Variants in KEAP1 observed in about 807,000 individuals in gnomAD.
KEAP1 encodes kelch-like ECH-associated protein 1.
KEAP1 carries 26 observed loss-of-function variants against 59.7 expected under a neutral mutation model. That is an observed-to-expected ratio of 0.44 (90% CI 0.32 to 0.60). The LOEUF (loss-of-function observed/expected upper bound fraction) is 0.60. Ranked by LOEUF, KEAP1 falls within the 20% of genes least tolerant of loss-of-function variation. KEAP1 has a pLI of 0.06. For synonymous variants in KEAP1, 350 were observed against 358.3 expected, an observed-to-expected ratio of 0.98 and a Z score of 0.26; for missense variants, 539 against 871.4, an observed-to-expected ratio of 0.62 and a Z score of 4.80.
intron 4 of KEAP1, 52 bp from the exon 5 acceptor site, chr19:10,489,420 C>T (rs2144588251): frequency 6.4e-7 from 1 of 1,560,830 alleles, no homozygotes; most frequent in Non-Finnish European, 8.7e-7. Flanking sequence ...CTTTGGGAAC[C>T]CCAGCCATCA....
At chr19:10,501,480 A>T (rs1915042571) in intron 1 of KEAP1, among the ~76,000 whole-genome samples, 1 of 151,262 alleles carries the variant, frequency 6.6e-6, no homozygotes, top group Non-Finnish European at 1.5e-5. Context: ...ATACAAAAAA[A>T]TTAGCCGGGT....
chr19:10,493,699 C>A lies in KEAP1; in HGVS notation c.640-1437G>T, dbSNP rs1914757584. 2.0e-5 allele frequency among the ~76,000 whole-genome samples: 3 copies of A among 151,294 alleles called. No homozygotes were observed. The South Asian group carries it at 6.3e-4, about 32-fold the overall frequency. ...GCCTCAGCCTCCCGAGTAGCTGGGA[C>A]TACAGGGGCCCACCACCGTGCCTGG... On this transcript the variant is annotated intron_variant, in intron 2 of 5. Coordinates refer to ENST00000171111, the MANE Select transcript of KEAP1 (RefSeq NM_203500.2).
chr19:10,493,059 G>T (rs773551008), intron 2 of KEAP1, among the ~76,000 whole-genome samples: 26 of 151,944 alleles, frequency 1.7e-4, no homozygotes, highest in Non-Finnish European at 2.8e-4. Context: ...GCAGTGGTGT[G>T]ATCTTGCTTC....
intron 2 of KEAP1, among the ~76,000 whole-genome samples, chr19:10,494,934 G>A (rs1357193841): frequency 6.0e-5 from 9 of 150,044 alleles, no homozygotes; most frequent in East Asian, 2.0e-4. Flanking sequence ...GATTACAGGC[G>A]TGAGCCAACG....
chr19:10,488,068 C>T (rs572245362), intron 5 of KEAP1, among the ~76,000 whole-genome samples: 15 of 152,132 alleles, frequency 9.9e-5, no homozygotes, highest in African/African-American at 3.6e-4. Context: ...GTGGAGGTTG[C>T]AGTGAGCCGA....
chr19:10,492,104 C>T lies in KEAP1; in HGVS notation c.798G>A (p.Ala266=), dbSNP rs752940311. 9.3e-6 allele frequency: 15 copies of T among 1,613,906 alleles called. No individual in the cohort carries two copies. The South Asian group carries it at 1.6e-4, about 18-fold the overall frequency. ...AGTGGCAGCGCACGGCCCGCAGCAG[C>T]GCCTGGACGTAGAACCGTCGCTGTT... ...DCEQRRFYVQ[A]LLRAVRCHSL... Residue 266 remains alanine (A), a synonymous_variant, in exon 3 of 6, where the codon GCG becomes GCA. Transcript: ENST00000171111.
In KEAP1 at chr19:10,489,213, G is replaced by C; in HGVS notation, c.1687C>G (p.Gln563Glu). The C allele has an allele frequency of 6.2e-7, 1 of 1,612,122 alleles. No homozygotes were observed. Residue 563 changes from glutamine to glutamate, a missense_variant, in exon 5 of 6, where the codon CAG (glutamine) becomes GAG (glutamate). Transcript: ENST00000171111. ...RRSALGITVHQGRIYVLGGYD... is the reference protein window; with the variant it reads ...RRSALGITVHEGRIYVLGGYD... ...TCACCAAGGACGTAGATTCTCCCCTGGTGGACAGTGATCCCCAGGGCACTT... is the reference window on the plus strand; with the variant it reads ...TCACCAAGGACGTAGATTCTCCCCTCGTGGACAGTGATCCCCAGGGCACTT...
chr19:10,499,354 C>T lies in KEAP1; in HGVS notation c.639+41G>A, dbSNP rs1354290752. On this transcript the variant is annotated intron_variant, in intron 2 of 5. Transcript: ENST00000171111. This position sits in a 1 kb window ranked among gnomAD's most constrained non-coding sequence, Gnocchi z 6.7. ...TGATGAGCACTCGTCCATCCCTGGT[C>T]CTTCTCCTGACACTGCCCCCAGCCC... 4 of 1,505,266 alleles carry T rather than the reference C, an allele frequency of 2.7e-6. No individual in the cohort carries two copies. Among genetic ancestry groups the T allele is most frequent in the Non-Finnish European group, 3.6e-6 (4 of 1,120,280 alleles). 93.2% of individuals were successfully genotyped at this position (1,505,266 alleles called of 1,614,324 possible). A position where few individuals can be genotyped will look rare whatever the true frequency, so the allele number is the denominator to read the frequency against.
chr19:10,498,487 G>T (rs148312606), intron 2 of KEAP1, among the ~76,000 whole-genome samples: 1 of 152,118 alleles, frequency 6.6e-6, no homozygotes, highest in South Asian at 2.1e-4. Flanking sequence ...GATTACAGGC[G>T]TGAGCCACTG....
intron 4 of KEAP1, 81 bp downstream of exon 4, chr19:10,489,563 GGGTC>G: frequency 6.8e-7 from 1 of 1,475,466 alleles, no homozygotes; most frequent in South Asian, 1.2e-5. Context: ...TTGCAACAGG[GGGTC>G]TCTCCCAGGC....
intron 5 of KEAP1, among the ~76,000 whole-genome samples, chr19:10,487,581 G>T (rs751616095): frequency 6.6e-6 from 1 of 151,984 alleles, no homozygotes; most frequent in African/African-American, 2.4e-5. Context: ...GCTTGAACCC[G>T]GGAGGCGGAG....
At position 10,499,086 on chromosome 19, in the gene KEAP1, C is replaced by G. The variant is rs1599490310; in HGVS notation, c.639+309G>C. ...CTTACCTCAGGTGATCCACCTGCCTCGGCCTCCCAAAGTGTTGGGATTACA... is the reference window on the plus strand; with the variant it reads ...CTTACCTCAGGTGATCCACCTGCCTGGGCCTCCCAAAGTGTTGGGATTACA... On this transcript the variant is annotated intron_variant, in intron 2 of 5. Coordinates refer to ENST00000171111, the MANE Select transcript of KEAP1 (RefSeq NM_203500.2). This position sits in a 1 kb window ranked among gnomAD's most constrained non-coding sequence, Gnocchi z 6.7. 6.6e-6 allele frequency among the ~76,000 whole-genome samples: 1 copy of G among 152,164 alleles called. No homozygotes were observed. Among genetic ancestry groups the G allele is most frequent in the African/African-American group, 2.4e-5 (1 of 41,460 alleles).
intron 2 of KEAP1, among the ~76,000 whole-genome samples, chr19:10,496,338 A>C (rs567478169): frequency 6.6e-6 from 1 of 152,026 alleles, no homozygotes; most frequent in Non-Finnish European, 1.5e-5. Flanking sequence ...TCTACAAAAA[A>C]TACAAAAATT....
intron 5 of KEAP1, among the ~76,000 whole-genome samples, chr19:10,488,061 G>A (rs1033986407): frequency 2.0e-5 from 3 of 152,156 alleles, no homozygotes; most frequent in Non-Finnish European, 4.4e-5. Flanking sequence ...CTGCCAGGTG[G>A]AGGTTGCAGT....
chr19:10,486,381 G>A lies in KEAP1; in HGVS notation c.*271C>T. The A allele has an allele frequency of 2.6e-6, 1 of 388,360 alleles. No individual in the cohort carries two copies. Among genetic ancestry groups the A allele is most frequent in the Non-Finnish European group, 4.7e-6 (1 of 214,190 alleles). 24.1% of individuals were successfully genotyped at this position (388,360 alleles called of 1,614,324 possible). A position where few individuals can be genotyped will look rare whatever the true frequency, so the allele number is the denominator to read the frequency against. On this transcript the variant is annotated 3_prime_UTR_variant, in exon 6 of 6. Transcript: ENST00000171111. The stretch of plus-strand genomic sequence containing the variant: ...GACCCAGGCCTATTACCCGGCCAGA[G>A]GGTTTGGGGGCCTCTCTCCTGGAAG...
Position 10,486,774 on chromosome 19 carries a change from C to G in KEAP1, c.1753G>C (p.Asp585His), listed in dbSNP as rs200652594. 6.2e-7 allele frequency: 1 copy of G among 1,614,010 alleles called. No homozygotes were observed. The highest frequency in any genetic ancestry group is 8.5e-7 in the Non-Finnish European group (1 of 1,179,996). Reference sequence around the variant, plus strand: ...TCGCTCCAGGTGTCTGTATCTGGGTCGTAACACTCCACACTGTCCAGGAAC... The same window carrying G: ...TCGCTCCAGGTGTCTGTATCTGGGTGGTAACACTCCACACTGTCCAGGAAC... Reference protein sequence around the residue: ...HTFLDSVECYDPDTDTWSEVT... With the variant: ...HTFLDSVECYHPDTDTWSEVT... The change falls in exon 6 of 6, where the codon GAC becomes CAC. Residue 585 changes from aspartate to histidine, a missense_variant. Around this residue, in one of 4 missense-constraint regions of KEAP1, gnomAD observed 311 missense variants for 425.2 expected, o/e 0.73. Coordinates refer to ENST00000171111, the MANE Select transcript of KEAP1 (RefSeq NM_203500.2).
chr19:10,500,139 G>GA (rs1415733516), intron 1 of KEAP1, 59 bp from the exon 2 acceptor site: 1 of 1,257,294 alleles, frequency 8.0e-7, no homozygotes, highest in African/African-American at 1.5e-5. Context: ...AGCACCTGCC[G>GA]GGCCTCGTTT....
At chr19:10,500,833 C>G (rs1262330118) in intron 1 of KEAP1, among the ~76,000 whole-genome samples, 1 of 152,018 alleles carries the variant, frequency 6.6e-6, no homozygotes, top group Non-Finnish European at 1.5e-5. Flanking sequence ...GCGTCCGCCA[C>G]CACACCCGGC....
At position 10,494,286 on chromosome 19, in the gene KEAP1, C is replaced by T. The variant is rs567905502; in HGVS notation, c.640-2024G>A. Among the ~76,000 whole-genome samples, 3 of 150,472 alleles carry T rather than the reference C, an allele frequency of 2.0e-5. No homozygotes were observed. The East Asian group carries it at 5.9e-4, about 30-fold the overall frequency. On this transcript the variant is annotated intron_variant, in intron 2 of 5. Coordinates refer to ENST00000171111, the MANE Select transcript of KEAP1 (RefSeq NM_203500.2). Reference sequence around the variant, plus strand: ...GCTCAAATGATTCTCCTACTTCAGCCTCCTGAGGATTACAGGTGTGCATCA... The same window carrying T: ...GCTCAAATGATTCTCCTACTTCAGCTTCCTGAGGATTACAGGTGTGCATCA...
Sources: gnomAD v4.1 joint callset for allele counts (sites outside exome capture counted in the v4.1 genomes callset) on GRCh38, gnomAD v4.1.1 for gene constraint, gnomAD v4.1.1 regional missense constraint, Gnocchi (gnomAD v3.1) non-coding constraint, MANE v1.5 for transcripts, NCBI Gene and HGNC (gene_info 2026-07-23, HGNC 2026-07-21) for gene names.